Variants in TNIK observed in about 807,000 individuals in gnomAD.
The protein encoded by TNIK is TRAF2 and NCK-interacting protein kinase.
Under a neutral mutation model 191.3 loss-of-function variants are expected in TNIK, and 49 were observed. That is an observed-to-expected ratio of 0.26 (90% CI 0.20 to 0.32). The LOEUF is 0.32. TNIK is among the 10% of genes least tolerant of loss of function. TNIK has a pLI of 1.00. For missense variants in TNIK, 1,155 were observed against 1,702.3 expected, an observed-to-expected ratio of 0.68 and a Z score of 5.66; for synonymous variants, 594 against 600.9, an observed-to-expected ratio of 0.99 and a Z score of 0.17.
chr3:171,344,540 T>G (rs959061300), intron 2 of TNIK, among the ~76,000 whole-genome samples: 2 of 152,132 alleles, frequency 1.3e-5, no homozygotes, highest in African/African-American at 4.8e-5. Context: ...AGAAAGGTAC[T>G]GATGACCTTA....
intron 1 of TNIK, among the ~76,000 whole-genome samples, chr3:171,437,424 A>G (rs550146840): frequency 6.6e-6 from 1 of 152,378 alleles, no homozygotes; most frequent in East Asian, 1.9e-4. Context: ...AAGCTAATCA[A>G]TATTTAGAAG....
At chr3:171,280,577 G>C (rs750271060) in intron 2 of TNIK, among the ~76,000 whole-genome samples, 4 of 151,626 alleles carry the variant, frequency 2.6e-5, no homozygotes, top group Non-Finnish European at 5.9e-5. Flanking sequence ...TCAAATCTTG[G>C]TTCCTTTTGT....
chr3:171,344,915 G>A (rs973402391), intron 2 of TNIK, among the ~76,000 whole-genome samples: 4 of 152,044 alleles, frequency 2.6e-5, no homozygotes, highest in Admixed American at 6.6e-5. Flanking sequence ...AGGAGCTGCC[G>A]AGATTAATAA....
At position 171,213,807 on chromosome 3, in the gene TNIK, C is replaced by T. The variant is rs1741146644; in HGVS notation, c.181-2566G>A. Among the ~76,000 whole-genome samples, 3 of 151,810 alleles carry T rather than the reference C, an allele frequency of 2.0e-5. No individual in the cohort carries two copies. The South Asian group carries it at 6.3e-4, about 32-fold the overall frequency. On this transcript the variant is annotated intron_variant, in intron 3 of 32. Coordinates refer to ENST00000436636, the MANE Select transcript of TNIK (RefSeq NM_015028.4). ...ACCATTCCTTTCTGGCTGCAGAATC[C>T]CAAGAAAGTTGCCTATCTTTTTGGA...
intron 12 of TNIK, among the ~76,000 whole-genome samples, chr3:171,156,798 A>T (rs1381558658): frequency 6.6e-6 from 1 of 152,192 alleles, no homozygotes; most frequent in East Asian, 1.9e-4. Context: ...GTACTAAGGG[A>T]TGTCTGGGAA....
intron 12 of TNIK, among the ~76,000 whole-genome samples, chr3:171,149,251 A>T (rs1732086733): frequency 6.6e-6 from 1 of 152,216 alleles, no homozygotes; most frequent in Non-Finnish European, 1.5e-5. Context: ...TGTCCATTGC[A>T]TGCAGGCACT....
intron 21 of TNIK, among the ~76,000 whole-genome samples, chr3:171,104,561 CTAGATA>C (rs1724361585): frequency 6.7e-6 from 1 of 149,734 alleles, no homozygotes; most frequent in Non-Finnish European, 1.5e-5. Context: ...TTAGAATCAA[CTAGATA>C]TAATTTTTCA....
intron 2 of TNIK, among the ~76,000 whole-genome samples, chr3:171,263,479 G>C (rs1452371914): frequency 6.6e-6 from 1 of 151,774 alleles, no homozygotes. Flanking sequence ...AAAAGGAGGG[G>C]GTTTTCAAAT....
chr3:171,312,520 T>A (rs1238277311), intron 2 of TNIK, among the ~76,000 whole-genome samples: 1 of 152,122 alleles, frequency 6.6e-6, no homozygotes, highest in Non-Finnish European at 1.5e-5. Context: ...CCACTTTGGA[T>A]GTGCCCAAAT....
intron 2 of TNIK, among the ~76,000 whole-genome samples, chr3:171,247,693 C>T (rs1745753196): frequency 6.6e-6 from 1 of 152,000 alleles, no homozygotes; most frequent in African/African-American, 2.4e-5. Context: ...AATATGACTG[C>T]AAATCAAGGA....
chr3:171,398,543 A>G (rs972209084), intron 1 of TNIK, among the ~76,000 whole-genome samples: 33 of 152,134 alleles, frequency 2.2e-4, no homozygotes, highest in African/African-American at 7.7e-4. Context: ...AGCCCTTCAC[A>G]ATTTGTACCC....
At chr3:171,333,956 C>T (rs1476212296) in intron 2 of TNIK, among the ~76,000 whole-genome samples, 2 of 152,186 alleles carry the variant, frequency 1.3e-5, no homozygotes, top group Admixed American at 6.5e-5. Flanking sequence ...GGAGCCTGTT[C>T]CAGGAGCTGA....
intron 2 of TNIK, among the ~76,000 whole-genome samples, chr3:171,343,299 G>A (rs1007633925): frequency 2.0e-5 from 3 of 151,940 alleles, no homozygotes; most frequent in Admixed American, 6.6e-5. Context: ...TCAATATGAT[G>A]TAATGAAAAT....
At chr3:171,243,159 G>T (rs377244950) in intron 2 of TNIK, among the ~76,000 whole-genome samples, 1 of 152,086 alleles carries the variant, frequency 6.6e-6, no homozygotes, top group Non-Finnish European at 1.5e-5. Flanking sequence ...AGGAGTGTCC[G>T]GATAAGGTGA....
intron 2 of TNIK, among the ~76,000 whole-genome samples, chr3:171,288,935 T>G (rs1751367996): frequency 6.6e-6 from 1 of 152,086 alleles, no homozygotes; most frequent in Non-Finnish European, 1.5e-5. Flanking sequence ...AAAAAAAACA[T>G]TTAAAAAATT....
chr3:171,190,568 TTTTCC>T (rs1344321965), intron 6 of TNIK, 124 bp downstream of exon 6: 2 of 676,794 alleles, frequency 3.0e-6, no homozygotes, highest in Non-Finnish European at 4.8e-6. Flanking sequence ...CAAAGAAACA[TTTTCC>T]TTTCCATTTT....
chr3:171,403,832 C>T (rs1721305392), intron 1 of TNIK, among the ~76,000 whole-genome samples: 1 of 152,084 alleles, frequency 6.6e-6, no homozygotes, highest in African/African-American at 2.4e-5. Context: ...ACTACCTGTT[C>T]AAAATCAAAT....
At chr3:171,089,615 C>T (rs1222201177) in intron 23 of TNIK, among the ~76,000 whole-genome samples, 1 of 152,148 alleles carries the variant, frequency 6.6e-6, no homozygotes, top group Non-Finnish European at 1.5e-5. Context: ...TCTGAATCTG[C>T]CCACTTCTGA....
At chr3:171,158,550 C>T (rs188144702) in intron 11 of TNIK, among the ~76,000 whole-genome samples, 37 of 152,320 alleles carry the variant, frequency 2.4e-4, no homozygotes, top group Admixed American at 4.6e-4. Flanking sequence ...TTTATTCAAA[C>T]GTAGCCCTTT....
Sources: allele counts gnomAD v4.1 joint callset (sites outside exome capture counted in the v4.1 genomes callset), GRCh38; gene constraint gnomAD v4.1.1; transcripts MANE v1.5; gene names NCBI Gene and HGNC (gene_info 2026-07-23, HGNC 2026-07-21).